The following ABR variants were observed in gnomAD, a reference collection of about 807,000 sequenced individuals.
The protein encoded by ABR is active breakpoint cluster region-related protein.
Under a neutral mutation model 107.2 loss-of-function variants are expected in ABR, and 35 were observed. That is an observed-to-expected ratio of 0.33 (90% CI 0.25 to 0.43). The LOEUF (loss-of-function observed/expected upper bound fraction) is 0.43. ABR is among the 20% of genes least tolerant of loss of function. The probability of loss-of-function intolerance (pLI) is 1.00; values close to 1 mark genes in which losing one functional copy is unlikely to be tolerated. For synonymous variants in ABR, 498 were observed against 462.0 expected (o/e 1.08, Z -1.00); for missense variants, 815 against 1,115.2 (o/e 0.73, Z 3.83).
At chr17:1,029,221 G>A (rs1240107351) in intron 16 of ABR, among the ~76,000 whole-genome samples, 3 of 151,784 alleles carry the variant, frequency 2.0e-5, no homozygotes, top group African/African-American at 4.8e-5. Flanking sequence ...CTAAACACTC[G>A]CACAAAAAGC....
At chr17:1,128,206 G>C (rs1163801715) in intron 1 of ABR, among the ~76,000 whole-genome samples, 1 of 152,196 alleles carries the variant, frequency 6.6e-6, no homozygotes, top group Non-Finnish European at 1.5e-5. Context: ...CTCCAACCAG[G>C]AAAAGGGGTA....
intron 2 of ABR, among the ~76,000 whole-genome samples, chr17:1,105,568 C>A (rs1417246178): frequency 6.6e-6 from 1 of 151,980 alleles, no homozygotes; most frequent in Non-Finnish European, 1.5e-5. Flanking sequence ...TTCAGATGAT[C>A]CATTAAAAAC....
At chr17:1,013,330 T>G in intron 16 of ABR, 166 bp from the exon 17 acceptor site, 1 of 710,286 alleles carries the variant, frequency 1.4e-6, no homozygotes, top group Non-Finnish European at 2.3e-6. Flanking sequence ...GGGGGGACCC[T>G]AGCCCCCAGG....
chr17:1,130,611 C>T (rs1008964271), intron 1 of ABR, among the ~76,000 whole-genome samples: 1 of 152,190 alleles, frequency 6.6e-6, no homozygotes, highest in Admixed American at 6.5e-5. Flanking sequence ...GGCCCCCCCA[C>T]AAGGTATGTC....
chr17:1,201,587 G>C (rs1304000095), intron 1 of ABR, among the ~76,000 whole-genome samples: 6 of 152,182 alleles, frequency 3.9e-5, no homozygotes, highest in African/African-American at 9.7e-5. Flanking sequence ...GATATTGTGC[G>C]TGGTGTGAAG....
intron 16 of ABR, among the ~76,000 whole-genome samples, chr17:1,032,995 CAG>C (rs1280497569): frequency 3.9e-5 from 6 of 152,160 alleles, no homozygotes; most frequent in East Asian, 1.9e-4. Context: ...GAGGTGAGGA[CAG>C]GGGGTCAGGA....
Position 1,078,771 on chromosome 17 carries a change from G to A in ABR, c.700+559C>T. 6.6e-7 allele frequency: 1 copy of A among 1,526,078 alleles called. No homozygotes were observed. The highest frequency in any genetic ancestry group is 8.8e-7 in the Non-Finnish European group (1 of 1,138,558). 94.5% of individuals were successfully genotyped at this position (1,526,078 alleles called of 1,614,324 possible). Reference sequence around the variant, plus strand: ...AAGCCCACTCCAGCCGGCCCCCAGAGGTGGGAGGGTCCGCCACCTCCCACA... The same window carrying A: ...AAGCCCACTCCAGCCGGCCCCCAGAAGTGGGAGGGTCCGCCACCTCCCACA... On this transcript the variant is annotated intron_variant, in intron 6 of 22. Transcript: ENST00000302538. The surrounding 1 kb of genome is among the most constrained non-coding windows in gnomAD (Gnocchi z 7.5).
At chr17:1,101,749 TTA>T (rs1491318284) in intron 2 of ABR, among the ~76,000 whole-genome samples, 1 of 151,720 alleles carries the variant, frequency 6.6e-6, no homozygotes, top group Non-Finnish European at 1.5e-5. Flanking sequence ...TTTTTTTTTT[TTA>T]GAGACGGAGT....
Position 1,050,307 on chromosome 17 carries a change from T to C in ABR, c.1660-126A>G. ...ACGGCCCACGAAGGACACGTCAGAT[T>C]TTCTGGAGCTCCCAGAGGCCTCCCA... On this transcript the variant is annotated intron_variant, in intron 15 of 22. Transcript: ENST00000302538. This position sits in a 1 kb window ranked among gnomAD's most constrained non-coding sequence, Gnocchi z 4.6. 2.3e-6 allele frequency: 3 copies of C among 1,291,148 alleles called. No individual in the cohort carries two copies. The highest frequency in any genetic ancestry group is 3.2e-6 in the Non-Finnish European group (3 of 949,004). The allele number at this position is 1,291,148 out of a possible 1,614,324, so 80.0% of individuals were successfully genotyped here.
At position 1,109,233 on chromosome 17, in the gene ABR, TCCGCCGCCGCCG is replaced by T. The variant is rs972518297; in HGVS notation, c.247-8510_247-8499del. On this transcript the variant is annotated intron_variant, in intron 2 of 22. Coordinates refer to ENST00000302538, the MANE Select transcript of ABR (RefSeq NM_021962.5). ...GCATCCCGGACCTAGTCCAGCCCGC[TCCGCCGCCGCCG>T]CCGCCGCCTCGCGCGTCCTCGCCCG... 1.3e-5 allele frequency: 12 copies of T among 924,202 alleles called. No homozygotes were observed. In the East Asian group the frequency reaches 3.1e-4, roughly 24 times the overall value. The allele number at this position is 924,202 out of a possible 1,614,324, so 57.3% of individuals were successfully genotyped here.
intron 1 of ABR, among the ~76,000 whole-genome samples, chr17:1,219,983 GCT>G (rs2043087207): frequency 1.3e-5 from 2 of 151,408 alleles, no homozygotes; most frequent in South Asian, 4.2e-4. Flanking sequence ...TTCCTTCCCA[GCT>G]CTGTGTCAAT....
intron 16 of ABR, among the ~76,000 whole-genome samples, chr17:1,029,038 G>C (rs748834150): frequency 9.3e-5 from 14 of 150,048 alleles, no homozygotes; most frequent in Non-Finnish European, 1.8e-4. Context: ...CAAGAATCTA[G>C]AAGAGGGAAG....
chr17:1,175,997 A>G lies in ABR; in HGVS notation c.61+3670T>C, dbSNP rs575574868. 1.5e-3 allele frequency among the ~76,000 whole-genome samples: 230 copies of G among 152,266 alleles called. 1 individual carries two copies. The highest frequency in any genetic ancestry group is 5.4e-3 in the African/African-American group (223 of 41,556). On this transcript the variant is annotated intron_variant, in intron 1 of 22. Coordinates refer to ENST00000302538, the MANE Select transcript of ABR (RefSeq NM_021962.5). ...TCCCAGCTACTCGGGAGGCTGAGGC[A>G]GGAGAATGGCGTGAACCTGGGAGGT...
At chr17:1,128,391 C>T (rs2039688187) in intron 1 of ABR, among the ~76,000 whole-genome samples, 1 of 152,256 alleles carries the variant, frequency 6.6e-6, no homozygotes, top group East Asian at 1.9e-4. Context: ...GCAAAGGCTG[C>T]TGGCAGCCAA....
intron 1 of ABR, among the ~76,000 whole-genome samples, chr17:1,176,579 C>G (rs1271904973): frequency 6.6e-6 from 1 of 152,196 alleles, no homozygotes; most frequent in Non-Finnish European, 1.5e-5. Flanking sequence ...GGCGCAGTGG[C>G]TCACGCCAGT....
rs79127845 is a variant in ABR, at chr17:1,221,704, C to T, written c.838+7089G>A. On this transcript the variant is annotated intron_variant, in intron 1 of 22. Coordinates refer to the ABR transcript ENST00000574139. ...GGCTCTTCAAACGCCAGAAAGGGCA[C>T]GGGAAAAGACGCCGGATGGAATGAG... is the stretch of plus-strand genomic sequence containing the variant. Among the ~76,000 whole-genome samples, 14 of 152,112 alleles carry T rather than the reference C, an allele frequency of 9.2e-5. No homozygotes were observed. The East Asian group carries it at 1.5e-3, about 17-fold the overall frequency.
At chr17:1,169,640 G>A (rs2041634900) in intron 1 of ABR, among the ~76,000 whole-genome samples, 1 of 152,172 alleles carries the variant, frequency 6.6e-6, no homozygotes, top group African/African-American at 2.4e-5. Flanking sequence ...GTGAGCCTGG[G>A]TCTGGAGGGT....
chr17:1,047,567 G>A (rs2376595), intron 16 of ABR, among the ~76,000 whole-genome samples: 6 of 152,226 alleles, frequency 3.9e-5, no homozygotes, highest in Non-Finnish European at 8.8e-5. Flanking sequence ...TCAAAGGCCT[G>A]CAGGGGACTC....
chr17:1,158,570 T>G (rs1426318265), intron 1 of ABR, among the ~76,000 whole-genome samples: 1 of 151,634 alleles, frequency 6.6e-6, no homozygotes, highest in African/African-American at 2.4e-5. Context: ...CAAGACCAGC[T>G]TGGCCAACAT....
Sources: gnomAD v4.1 joint callset for allele counts (sites outside exome capture counted in the v4.1 genomes callset) on GRCh38, gnomAD v4.1.1 for gene constraint, Gnocchi (gnomAD v3.1) non-coding constraint, MANE v1.5 for transcripts, NCBI Gene and HGNC (gene_info 2026-07-23, HGNC 2026-07-21) for gene names.